TMEM132B: variants seen among roughly 807,000 people sequenced by gnomAD.
TMEM132B encodes transmembrane protein 132B.
A neutral mutation model predicts 90.8 loss-of-function variants in TMEM132B; 18 were observed. The observed-to-expected ratio is 0.20, with a 90% CI of 0.14 to 0.29. TMEM132B has a LOEUF of 0.29. Among genes scored for constraint, TMEM132B ranks in the 10% least tolerant of loss-of-function variants. TMEM132B has a pLI of 1.00. For synonymous variants in TMEM132B, 504 were observed against 523.3 expected (o/e 0.96, Z 0.50); for missense variants, 1,096 against 1,326.8 (o/e 0.83, Z 2.70).
intron 4 of TMEM132B, among the ~76,000 whole-genome samples, chr12:125,522,531 C>G (rs1022985032): frequency 6.6e-6 from 1 of 152,218 alleles, no homozygotes; most frequent in Non-Finnish European, 1.5e-5. Flanking sequence ...ATGGTCACAG[C>G]TTACTGAATG....
intron 8 of TMEM132B, among the ~76,000 whole-genome samples, chr12:125,652,998 A>C (rs1452360869): frequency 2.0e-5 from 3 of 152,234 alleles, no homozygotes; most frequent in Non-Finnish European, 2.9e-5. Context: ...CATGGCTAAC[A>C]GGCACCAAAT....
chr12:125,561,378 G>A (rs560613087), intron 4 of TMEM132B, among the ~76,000 whole-genome samples: 12 of 151,864 alleles, frequency 7.9e-5, no homozygotes, highest in African/African-American at 2.9e-4. Context: ...TCAGGGGGTA[G>A]GGGGCTAGGG....
chr12:125,625,092 G>A (rs944754234), intron 5 of TMEM132B, among the ~76,000 whole-genome samples: 2 of 149,062 alleles, frequency 1.3e-5, no homozygotes, highest in Admixed American at 6.6e-5. Context: ...CAGCACAAAA[G>A]TGGAATAATG....
At chr12:125,200,627 C>A (rs1221255889) in intron 1 of TMEM132B, among the ~76,000 whole-genome samples, 1 of 152,186 alleles carries the variant, frequency 6.6e-6, no homozygotes, top group African/African-American at 2.4e-5. Context: ...GGGTAGGGAT[C>A]AGCACCCACT....
At chr12:125,454,522 C>T (rs886263147) in intron 3 of TMEM132B, among the ~76,000 whole-genome samples, 30 of 152,094 alleles carry the variant, frequency 2.0e-4, no homozygotes, top group Non-Finnish European at 3.8e-4. Context: ...TTGGCCTCTT[C>T]AGTAATTTAA....
chr12:125,492,163 C>T lies in TMEM132B; in HGVS notation c.1107-27276C>T, dbSNP rs545609372. Among the ~76,000 whole-genome samples, 5 of 152,308 alleles carry T rather than the reference C, an allele frequency of 3.3e-5. No homozygotes were observed. The highest frequency in any genetic ancestry group is 6.5e-5 in the Admixed American group (1 of 15,304). ...GAGAGTGCCCTGCTGCCCGCCCCCACCGCTCCTCACCTTGCAGAAATGGGG... is the reference window on the plus strand; with the variant it reads ...GAGAGTGCCCTGCTGCCCGCCCCCATCGCTCCTCACCTTGCAGAAATGGGG... On this transcript the variant is annotated intron_variant, in intron 3 of 8. Transcript: ENST00000682704. This position sits in a 1 kb window ranked among gnomAD's most constrained non-coding sequence, Gnocchi z 5.8.
chr12:125,560,207 T>C (rs80093221), intron 4 of TMEM132B, among the ~76,000 whole-genome samples: 1 of 152,288 alleles, frequency 6.6e-6, no homozygotes, highest in South Asian at 2.1e-4. Context: ...GCTGATTGCC[T>C]GCTGGCCTGG....
At chr12:125,322,142 A>G (rs1419182784) in intron 1 of TMEM132B, among the ~76,000 whole-genome samples, 4 of 152,180 alleles carry the variant, frequency 2.6e-5, no homozygotes, top group Non-Finnish European at 5.9e-5. Flanking sequence ...GTGTCGTGGG[A>G]GGGACCCGGT....
At chr12:125,536,582 A>G (rs987251539) in intron 4 of TMEM132B, among the ~76,000 whole-genome samples, 3 of 152,256 alleles carry the variant, frequency 2.0e-5, no homozygotes, top group Non-Finnish European at 4.4e-5. Context: ...ACAAGTTAAT[A>G]TAAGTAAGTG....
chr12:125,496,730 G>T (rs1882571504), intron 3 of TMEM132B, among the ~76,000 whole-genome samples: 1 of 152,164 alleles, frequency 6.6e-6, no homozygotes, highest in Non-Finnish European at 1.5e-5. Flanking sequence ...TTCACGTGCT[G>T]GGAGCTTACC....
intron 3 of TMEM132B, among the ~76,000 whole-genome samples, chr12:125,474,158 TTC>T (rs1881806273): frequency 6.6e-6 from 1 of 151,268 alleles, no homozygotes; most frequent in African/African-American, 2.4e-5. Context: ...TGCCTTCTTT[TTC>T]TCTTTCTCTC....
chr12:125,199,077 G>A (rs79034536), intron 1 of TMEM132B, among the ~76,000 whole-genome samples: 5,970 of 152,322 alleles, frequency 0.039, 154 homozygotes, highest in African/African-American at 0.065. Context: ...TTGCCATGAA[G>A]CAGGTGTGTG....
intron 1 of TMEM132B, among the ~76,000 whole-genome samples, chr12:125,254,247 C>T (rs1593057263): frequency 6.6e-6 from 1 of 151,900 alleles, no homozygotes; most frequent in Non-Finnish European, 1.5e-5. Flanking sequence ...TGCCATTGCA[C>T]TCCAGCCTGG....
chr12:125,637,402 C>T (rs1037400095), intron 5 of TMEM132B, among the ~76,000 whole-genome samples: 14 of 152,144 alleles, frequency 9.2e-5, no homozygotes, highest in Admixed American at 2.6e-4. Flanking sequence ...TTTATTTTGC[C>T]AAGGTTAAGG....
At chr12:125,644,427 C>T in intron 6 of TMEM132B, 146 bp downstream of exon 6, 1 of 740,550 alleles carries the variant, frequency 1.4e-6, no homozygotes, top group Non-Finnish European at 2.2e-6. Flanking sequence ...TCAGATGGAT[C>T]TGACTTGAGT....
In TMEM132B at chr12:125,350,143, C is replaced by T. The variant is rs1415338807; in HGVS notation, c.759C>T (p.Ser253=). The T allele has an allele frequency of 1.2e-5, 19 of 1,614,178 alleles. No individual in the cohort carries two copies. Among genetic ancestry groups the T allele is most frequent in the Non-Finnish European group, 1.6e-5 (19 of 1,180,016 alleles). The stretch of plus-strand genomic sequence containing the variant: ...ACAATATCCACTCGGGCCTGGAGAG[C>T]CCCCAGCAAGCGTTTCCAGCCCGAG... ...WENNIHSGLE[S]PQQAFPARER... is the part of the protein sequence containing the mutation. Residue 253 remains serine (S), a synonymous_variant, in exon 2 of 9, where the codon AGC becomes AGT. Coordinates refer to ENST00000682704, the MANE Select transcript of TMEM132B (RefSeq NM_001366854.1).
intron 4 of TMEM132B, among the ~76,000 whole-genome samples, chr12:125,565,577 G>A (rs1037021142): frequency 3.9e-5 from 6 of 152,204 alleles, no homozygotes; most frequent in African/African-American, 1.4e-4. Context: ...TTATTGAGTG[G>A]TGAAAGTGGC....
intron 1 of TMEM132B, among the ~76,000 whole-genome samples, chr12:125,322,278 A>T (rs1566001365): frequency 6.6e-6 from 1 of 152,220 alleles, no homozygotes; most frequent in African/African-American, 2.4e-5. Flanking sequence ...GCCTGCCGCC[A>T]TGTAAGATGT....
chr12:125,252,739 A>G (rs931375096), intron 1 of TMEM132B, among the ~76,000 whole-genome samples: 2 of 152,140 alleles, frequency 1.3e-5, no homozygotes, highest in Non-Finnish European at 2.9e-5. Flanking sequence ...ATGACCAAGG[A>G]TGACTGTCTC....
Sources: allele counts gnomAD v4.1 joint callset (sites outside exome capture counted in the v4.1 genomes callset), GRCh38; gene constraint gnomAD v4.1.1; non-coding constraint Gnocchi (gnomAD v3.1); transcripts MANE v1.5; gene names NCBI Gene and HGNC (gene_info 2026-07-23, HGNC 2026-07-21).